AK5: variants seen among roughly 807,000 people sequenced by gnomAD.
AK5 encodes the protein adenylate kinase isoenzyme 5.
Under a neutral mutation model 69.5 loss-of-function variants are expected in AK5, and 27 were observed. The ratio of observed to expected loss-of-function variants is 0.39; its 90% CI spans 0.29 to 0.54. The LOEUF is 0.54. Ranked by LOEUF, AK5 falls within the 20% of genes least tolerant of loss-of-function variation. AK5 has a pLI of 0.71. For missense variants in AK5, 531 were observed against 700.4 expected (o/e 0.76, Z 2.73); for synonymous variants, 260 against 244.4 (o/e 1.06, Z -0.60).
chr1:77,426,075 A>C (rs960479055), intron 8 of AK5, among the ~76,000 whole-genome samples: 2 of 152,236 alleles, frequency 1.3e-5, no homozygotes, highest in Non-Finnish European at 2.9e-5. Context: ...AGGAACAAAG[A>C]ACAAAAGCAA....
At chr1:77,507,179 G>T (rs1295369981) in intron 10 of AK5, among the ~76,000 whole-genome samples, 3 of 152,170 alleles carry the variant, frequency 2.0e-5, no homozygotes, top group African/African-American at 7.2e-5. Flanking sequence ...CACCTGACGG[G>T]GCCATGATGA....
intron 6 of AK5, among the ~76,000 whole-genome samples, chr1:77,363,341 C>G (rs1311961929): frequency 2.0e-5 from 3 of 152,206 alleles, no homozygotes; most frequent in Admixed American, 6.5e-5. Flanking sequence ...TCTACCACTA[C>G]CACTCTTGTC....
At chr1:77,479,460 C>A (rs1010145984) in intron 8 of AK5, among the ~76,000 whole-genome samples, 19 of 152,150 alleles carry the variant, frequency 1.2e-4, no homozygotes, top group Non-Finnish European at 2.5e-4. Flanking sequence ...TCTGCCTTGG[C>A]CTCCCAAAGT....
chr1:77,501,781 T>C (rs1218170186), intron 10 of AK5, among the ~76,000 whole-genome samples: 1 of 152,174 alleles, frequency 6.6e-6, no homozygotes, highest in Non-Finnish European at 1.5e-5. Context: ...TCAAACAAAA[T>C]TAGAGCCCTT....
intron 6 of AK5, among the ~76,000 whole-genome samples, chr1:77,397,148 T>TG (rs1648886691): frequency 1.3e-5 from 2 of 152,234 alleles, no homozygotes; most frequent in African/African-American, 4.8e-5. Flanking sequence ...CCTCATCTTC[T>TG]TCAAAGAAGT....
At chr1:77,439,570 G>A (rs931511188) in intron 8 of AK5, among the ~76,000 whole-genome samples, 2 of 151,776 alleles carry the variant, frequency 1.3e-5, no homozygotes, top group Non-Finnish European at 2.9e-5. Context: ...ACTCTTCCTA[G>A]CCTCTGGTAA....
chr1:77,530,725 G>A (rs1658527754), intron 12 of AK5, among the ~76,000 whole-genome samples: 1 of 152,110 alleles, frequency 6.6e-6, no homozygotes, highest in Non-Finnish European at 1.5e-5. Context: ...ATTTTTAAAT[G>A]AGGAAACTGA....
chr1:77,355,713 A>C (rs908187750), intron 6 of AK5, among the ~76,000 whole-genome samples: 36 of 152,084 alleles, frequency 2.4e-4, no homozygotes, highest in African/African-American at 7.5e-4. Context: ...TGTCTTTATA[A>C]TTCCACTGTC....
rs943061555 is a variant in AK5, at chr1:77,309,067, G to A, written c.699+11120G>A. 1.3e-4 allele frequency among the ~76,000 whole-genome samples: 19 copies of A among 151,626 alleles called. 1 individual carries two copies. Among genetic ancestry groups the A allele is most frequent in the African/African-American group, 4.6e-4 (19 of 41,108 alleles). ...ACAGGAAGAGGACCAGCATACACTGGGGCCTGCAGGGTGGTGGGGTCGGGG... is the reference window on the plus strand; with the variant it reads ...ACAGGAAGAGGACCAGCATACACTGAGGCCTGCAGGGTGGTGGGGTCGGGG... On this transcript the variant is annotated intron_variant, in intron 5 of 13. Transcript: ENST00000354567.
At chr1:77,544,222 A>T (rs573544838) in intron 13 of AK5, among the ~76,000 whole-genome samples, 1 of 152,342 alleles carries the variant, frequency 6.6e-6, no homozygotes, top group East Asian at 1.9e-4. Flanking sequence ...GTTTACCATG[A>T]ATCCAGCTTT....
At chr1:77,535,795 A>G in intron 12 of AK5, 52 bp from the exon 13 acceptor site, 1 of 1,545,098 alleles carries the variant, frequency 6.5e-7, no homozygotes, top group East Asian at 2.3e-5. Context: ...CCTTTCCAGA[A>G]CATCAGCAGG....
chr1:77,397,188 C>T (rs1006141009), intron 6 of AK5, among the ~76,000 whole-genome samples: 7 of 152,196 alleles, frequency 4.6e-5, no homozygotes, highest in Admixed American at 1.3e-4. Flanking sequence ...TTTCTTCTCA[C>T]GGCACTTCCT....
chr1:77,414,995 T>C (rs1650316479), intron 7 of AK5, among the ~76,000 whole-genome samples: 1 of 152,178 alleles, frequency 6.6e-6, no homozygotes. Context: ...TCCTATGATA[T>C]ATTAATCCTG....
At chr1:77,513,558 G>A (rs998312065) in intron 10 of AK5, among the ~76,000 whole-genome samples, 1 of 152,216 alleles carries the variant, frequency 6.6e-6, no homozygotes, top group Non-Finnish European at 1.5e-5. Flanking sequence ...AGTCATTTTA[G>A]GCCAGGCCCA....
chr1:77,535,968 G>A lies in AK5; in HGVS notation c.1550G>A (p.Arg517His), dbSNP rs771419630. 22 of 1,613,528 alleles carry A rather than the reference G, an allele frequency of 1.4e-5. No homozygotes were observed. Among genetic ancestry groups the A allele is most frequent in the South Asian group, 3.3e-5 (3 of 91,032 alleles). ...GACACCACCAAGACCATCGCCAAGC[G>A]CCTAGAAGCCTACTACCGAGCGTCC... ...VDDTTKTIAK[R>H]LEAYYRASIP... Residue 517 changes from arginine to histidine, a missense_variant, in exon 13 of 14, where the codon CGC becomes CAC. Physicochemically the swap from Arg to His is conservative, Grantham distance 29 (BLOSUM62 0). Transcript: ENST00000354567.
chr1:77,322,778 G>A (rs1023162418), intron 5 of AK5, among the ~76,000 whole-genome samples: 2 of 152,000 alleles, frequency 1.3e-5, no homozygotes, highest in African/African-American at 4.8e-5. Flanking sequence ...AAAAAAGGTC[G>A]ATCTAGTCTC....
chr1:77,335,991 C>T (rs1661337126), intron 5 of AK5, among the ~76,000 whole-genome samples: 1 of 151,962 alleles, frequency 6.6e-6, no homozygotes, highest in Admixed American at 6.6e-5. Context: ...TATGAGGGCA[C>T]CAATCTCATT....
chr1:77,531,111 T>C (rs1197619870), intron 12 of AK5, among the ~76,000 whole-genome samples: 1 of 152,100 alleles, frequency 6.6e-6, no homozygotes, highest in Non-Finnish European at 1.5e-5. Flanking sequence ...AGGCAGCGTG[T>C]CCGGAGTTTG....
Position 77,538,358 on chromosome 1 carries a change from AAC to A in AK5, c.1620+2322_1620+2323del, listed in dbSNP as rs1455992745. On this transcript the variant is annotated intron_variant, in intron 13 of 13. Transcript: ENST00000354567. ...TCTCTCAAAAAAAAACAACAACAAC[AAC>A]AAAAAAAAAAAACATAAACAAAAGT... Among the ~76,000 whole-genome samples the A allele has an allele frequency of 2.7e-3, 408 of 150,426 alleles. 1 individual carries two copies. Among genetic ancestry groups the A allele is most frequent in the African/African-American group, 9.7e-3 (394 of 40,630 alleles).
Sources: allele counts gnomAD v4.1 joint callset (sites outside exome capture counted in the v4.1 genomes callset), GRCh38; gene constraint gnomAD v4.1.1; transcripts MANE v1.5; gene names NCBI Gene and HGNC (gene_info 2026-07-23, HGNC 2026-07-21).